Variants in HSPA12B observed in about 807,000 individuals in gnomAD.
HSPA12B encodes the protein heat shock 70 kDa protein 12B.
HSPA12B carries 54 observed loss-of-function variants against 69.3 expected under a neutral mutation model. That is an observed-to-expected ratio of 0.78 (90% CI 0.63 to 0.98). HSPA12B has a LOEUF of 0.98. Among genes scored for constraint, HSPA12B ranks in the 50% least tolerant of loss-of-function variants. The pLI is 0.00. For synonymous variants in HSPA12B, 441 were observed against 436.5 expected (o/e 1.01, Z -0.13); for missense variants, 929 against 999.8 (o/e 0.93, Z 0.96).
rs914784155 is a variant in HSPA12B, at chr20:3,751,384, C to A, written c.1406-127C>A. On this transcript the variant is annotated intron_variant, in intron 12 of 12. Transcript: ENST00000254963. ...AGTGCTCAAATGGCTACTTTCTAGTCGCCAGGTAGGTACAGGCTAGGGAGG... is the reference window on the plus strand; with the variant it reads ...AGTGCTCAAATGGCTACTTTCTAGTAGCCAGGTAGGTACAGGCTAGGGAGG... 2.3e-5 allele frequency: 31 copies of A among 1,341,992 alleles called. No homozygotes were observed. In the African/African-American group the frequency reaches 4.7e-4, roughly 20 times the overall value. 83.1% of individuals were successfully genotyped at this position (1,341,992 alleles called of 1,614,324 possible). A position where few individuals can be genotyped will look rare whatever the true frequency, so the allele number is the denominator to read the frequency against.
In HSPA12B at chr20:3,749,895, G is replaced by T. The variant is rs1190352562; in HGVS notation, c.1042+41G>T. On this transcript the variant is annotated intron_variant, in intron 10 of 12. Coordinates refer to ENST00000254963, the MANE Select transcript of HSPA12B (RefSeq NM_052970.5). This position sits in a 1 kb window ranked among gnomAD's most constrained non-coding sequence, Gnocchi z 5.5. ...GCGCCCCGGTACCCAGCGCGACCCG[G>T]GCTCCGGCCCCGCCACTGCCCCCTG... 5 of 1,541,864 alleles carry T rather than the reference G, an allele frequency of 3.2e-6. No homozygotes were observed. Among genetic ancestry groups the T allele is most frequent in the Non-Finnish European group, 4.4e-6 (5 of 1,141,380 alleles).
chr20:3,742,240 T>A, intron 3 of HSPA12B, 44 bp from the exon 4 acceptor site: 1 of 1,603,182 alleles, frequency 6.2e-7, no homozygotes, highest in Non-Finnish European at 8.5e-7. Context: ...GGGATGGGGG[T>A]GTCCCTGCTG....
chr20:3,751,919 T>C lies in HSPA12B; in HGVS notation c.1814T>C (p.Leu605Pro). The C allele has an allele frequency of 6.3e-7, 1 of 1,584,982 alleles. No homozygotes were observed. The highest frequency in any genetic ancestry group is 2.3e-5 in the East Asian group (1 of 43,454). ...GCGCGTCCCGGCCAGCGGCGCGTAC[T>C]CATCAACCTGTACTGCTGCGCGGCA... ...CPARPGQRRVLINLYCCAAED... is the reference protein window; with the variant it reads ...CPARPGQRRVPINLYCCAAED... Residue 605 changes from leucine (L) to proline (P), a missense_variant, in exon 13 of 13, where the codon CTC becomes CCC. By Grantham distance (98) the Leu-to-Pro change is moderately conservative. This residue lies in a region of HSPA12B where 448 missense variants were observed against 448.1 expected (regional missense o/e 1.00). Coordinates refer to ENST00000254963, the MANE Select transcript of HSPA12B (RefSeq NM_052970.5).
At chr20:3,735,399 A>G (rs2088093454) in intron 1 of HSPA12B, among the ~76,000 whole-genome samples, 1 of 151,898 alleles carries the variant, frequency 6.6e-6, no homozygotes, top group Admixed American at 6.6e-5. Flanking sequence ...CAAGCTTCCG[A>G]TAGCTGGGAA....
chr20:3,749,642 C>A lies in HSPA12B; in HGVS notation c.938-108C>A. 1.2e-6 allele frequency: 1 copy of A among 808,858 alleles called. No individual in the cohort carries two copies. Among genetic ancestry groups the A allele is most frequent in the Non-Finnish European group, 1.9e-6 (1 of 521,608 alleles). 50.1% of individuals were successfully genotyped at this position (808,858 alleles called of 1,614,324 possible). A position where few individuals can be genotyped will look rare whatever the true frequency, so the allele number is the denominator to read the frequency against. On this transcript the variant is annotated intron_variant, in intron 9 of 12. Transcript: ENST00000254963. The surrounding 1 kb of genome is among the most constrained non-coding windows in gnomAD (Gnocchi z 5.5). ...CACGTCCCTCCCCCGACCCTGCAGA[C>A]AGGCCTTGGGACCCGGGGCAGGGCT...
chr20:3,735,407 G>A (rs1027795187), intron 1 of HSPA12B, among the ~76,000 whole-genome samples: 5 of 152,054 alleles, frequency 3.3e-5, no homozygotes, highest in East Asian at 1.9e-4. Flanking sequence ...CGATAGCTGG[G>A]AAGAGTATAG....
In HSPA12B at chr20:3,752,325, T is replaced by TG; in HGVS notation, c.*163dup. On this transcript the variant is annotated 3_prime_UTR_variant, in exon 13 of 13. Coordinates refer to ENST00000254963, the MANE Select transcript of HSPA12B (RefSeq NM_052970.5). ...GGAGATAAGGTCATGGGAGAGTGGG[T>TG]GGGGACACACCCAGAGACTGGCTTT... 1 of 676,784 alleles carries TG rather than the reference T, an allele frequency of 1.5e-6. No homozygotes were observed. The highest frequency in any genetic ancestry group is 2.2e-6 in the Non-Finnish European group (1 of 446,326). 41.9% of individuals were successfully genotyped at this position (676,784 alleles called of 1,614,324 possible).
chr20:3,735,360 C>T (rs1190034553), intron 1 of HSPA12B, among the ~76,000 whole-genome samples: 1 of 152,132 alleles, frequency 6.6e-6, no homozygotes, highest in African/African-American at 2.4e-5. Context: ...CTCAGCATAT[C>T]GCACAATGAG....
chr20:3,748,748 A>G (rs1472571262), intron 8 of HSPA12B, among the ~76,000 whole-genome samples: 1 of 152,066 alleles, frequency 6.6e-6, no homozygotes, highest in Non-Finnish European at 1.5e-5. Context: ...GGGTACTGAC[A>G]AAGGAGGAAG....
intron 1 of HSPA12B, among the ~76,000 whole-genome samples, chr20:3,736,783 G>A (rs965886517): frequency 5.9e-5 from 9 of 152,208 alleles, no homozygotes; most frequent in Non-Finnish European, 1.3e-4. Flanking sequence ...AGCACTTTGG[G>A]AGGCTGAGAC....
chr20:3,742,049 C>T (rs969465724), intron 3 of HSPA12B, among the ~76,000 whole-genome samples: 1 of 151,964 alleles, frequency 6.6e-6, no homozygotes, highest in Non-Finnish European at 1.5e-5. Flanking sequence ...AAAGCAGGAG[C>T]TTGAGCCAAA....
Position 3,740,148 on chromosome 20 carries a change from A to G in HSPA12B, c.44-667A>G, listed in dbSNP as rs1001803890. Among the ~76,000 whole-genome samples the G allele has an allele frequency of 7.4e-5, 11 of 149,642 alleles. No individual in the cohort carries two copies. Among genetic ancestry groups the G allele is most frequent in the Non-Finnish European group, 1.6e-4 (11 of 67,872 alleles). On this transcript the variant is annotated intron_variant, in intron 2 of 12. Transcript: ENST00000254963. This position sits in a 1 kb window ranked among gnomAD's most constrained non-coding sequence, Gnocchi z 4.9. ...TGAAATGCTGGCTCAGGGTGTGTGT[A>G]TGTGTGTGTGTGGGGGGTGGGAATC... is the stretch of plus-strand genomic sequence containing the variant.
rs6139196 is a variant in HSPA12B, at chr20:3,750,007, G to A, written c.1081G>A (p.Glu361Lys). The change falls in exon 11 of 13, where the codon GAG (glutamate) becomes AAG (lysine). Residue 361 changes from glutamate to lysine, a missense_variant. Glu to Lys is a moderately conservative substitution (Grantham distance 56). Around this residue, in one of 3 missense-constraint regions of HSPA12B, gnomAD observed 477 missense variants for 535.2 expected, o/e 0.89. Transcript: ENST00000254963. ...CGCGGTGGGCGTGGACCTGGCCTTCGAGCAGCTGCTGTGCCGCATCTTCGG... is the reference window on the plus strand; with the variant it reads ...CGCGGTGGGCGTGGACCTGGCCTTCAAGCAGCTGCTGTGCCGCATCTTCGG... ...YGAVGVDLAF[E>K]QLLCRIFGED... 1.3e-6 allele frequency: 2 copies of A among 1,586,776 alleles called. No homozygotes were observed. Among genetic ancestry groups the A allele is most frequent in the Non-Finnish European group, 1.7e-6 (2 of 1,167,416 alleles).
rs998337976 is a variant in HSPA12B at position 3,738,868 on chromosome 20, A to G, written c.43+151A>G. On this transcript the variant is annotated intron_variant, in intron 2 of 12. Coordinates refer to ENST00000254963, the MANE Select transcript of HSPA12B (RefSeq NM_052970.5). ...TGTGTGTGTGTGTGTGCATGTGTGCAGGGCAGGTCTGTGTTTACTGGACCC... is the reference window on the plus strand; with the variant it reads ...TGTGTGTGTGTGTGTGCATGTGTGCGGGGCAGGTCTGTGTTTACTGGACCC... 2.8e-5 allele frequency: 22 copies of G among 778,350 alleles called. No homozygotes were observed. The Admixed American group carries it at 4.2e-4, about 15-fold the overall frequency. 48.2% of individuals were successfully genotyped at this position (778,350 alleles called of 1,614,324 possible).
At chr20:3,739,007 CGT>C (rs1352003801) in intron 2 of HSPA12B, among the ~76,000 whole-genome samples, 2 of 151,920 alleles carry the variant, frequency 1.3e-5, no homozygotes, top group Non-Finnish European at 2.9e-5. Flanking sequence ...GGGCTGAGTG[CGT>C]GTGTTTGTGT....
At chr20:3,746,586 G>A (rs1319298116) in intron 7 of HSPA12B, among the ~76,000 whole-genome samples, 1 of 152,012 alleles carries the variant, frequency 6.6e-6, no homozygotes, top group Non-Finnish European at 1.5e-5. Context: ...ACAGGCGTGA[G>A]CCACCGCGCC....
intron 11 of HSPA12B, 80 bp from the exon 12 acceptor site, chr20:3,750,724 G>T (rs1247405928): frequency 6.2e-7 from 1 of 1,607,428 alleles, no homozygotes; most frequent in African/African-American, 1.3e-5. Flanking sequence ...CAGAGGTAGA[G>T]AATAAGGACC....
Position 3,740,969 on chromosome 20 carries a change from T to C in HSPA12B, c.141+57T>C. On this transcript the variant is annotated intron_variant, in intron 3 of 12. Coordinates refer to ENST00000254963, the MANE Select transcript of HSPA12B (RefSeq NM_052970.5). This position sits in a 1 kb window ranked among gnomAD's most constrained non-coding sequence, Gnocchi z 4.9. Reference sequence around the variant, plus strand: ...GACCTGGCTGGTGTGGACAGGGTCGTGCGTGGCAAAGTCATGACAGGGCCT... The same window carrying C: ...GACCTGGCTGGTGTGGACAGGGTCGCGCGTGGCAAAGTCATGACAGGGCCT... 1 of 1,462,530 alleles carries C rather than the reference T, an allele frequency of 6.8e-7. No individual in the cohort carries two copies. 90.6% of individuals were successfully genotyped at this position (1,462,530 alleles called of 1,614,324 possible).
intron 7 of HSPA12B, 130 bp from the exon 8 acceptor site, chr20:3,748,087 G>T: frequency 1.2e-6 from 1 of 817,258 alleles, no homozygotes; most frequent in Non-Finnish European, 1.9e-6. Flanking sequence ...GGCCTGAGAG[G>T]CCTAACATGG....
Sources: allele counts gnomAD v4.1 joint callset (sites outside exome capture counted in the v4.1 genomes callset), GRCh38; gene constraint gnomAD v4.1.1; regional missense constraint gnomAD v4.1.1; non-coding constraint Gnocchi (gnomAD v3.1); transcripts MANE v1.5; gene names NCBI Gene and HGNC (gene_info 2026-07-23, HGNC 2026-07-21).